TRAPPC9: variants seen among roughly 807,000 people sequenced by gnomAD.
TRAPPC9 encodes the protein IKK2 binding protein.
Under a neutral mutation model 124.0 loss-of-function variants are expected in TRAPPC9, and 83 were observed. The ratio of observed to expected loss-of-function variants is 0.67; its 90% confidence interval spans 0.56 to 0.80. The LOEUF is 0.80. Among genes scored for constraint, TRAPPC9 ranks in the 30% least tolerant of loss-of-function variants. The pLI is 0.00. For synonymous variants in TRAPPC9, 638 were observed against 617.5 expected, an observed-to-expected ratio of 1.03 and a Z score of -0.49; for missense variants, 1,302 against 1,508.3, an observed-to-expected ratio of 0.86 and a Z score of 2.27.
At chr8:140,073,584 T>C (rs1046724772) in intron 17 of TRAPPC9, among the ~76,000 whole-genome samples, 13 of 152,306 alleles carry the variant, frequency 8.5e-5, no homozygotes, top group African/African-American at 2.9e-4. Context: ...TCTGGGGAGA[T>C]AGAAATGTTC....
At chr8:139,885,991 C>T (rs555581591) in intron 20 of TRAPPC9, 22 bp from the exon 21 acceptor site, 14 of 1,554,598 alleles carry the variant, frequency 9.0e-6, no homozygotes, top group African/African-American at 1.4e-5. Context: ...TCAAGGAAAA[C>T]GCAACTCCTG....
chr8:140,104,709 C>T lies in TRAPPC9; in HGVS notation c.2557-80630G>A, dbSNP rs1170696376. ...CTCCTGGGGGTGCCATTCCCCCAGC[C>T]CAGGCACCAGGCCCGGACCAGCTGT... On this transcript the variant is annotated intron_variant, in intron 17 of 22. Coordinates refer to ENST00000438773, the MANE Select transcript of TRAPPC9 (RefSeq NM_001160372.4). The surrounding 1 kb of genome is among the most constrained non-coding windows in gnomAD (Gnocchi z 4.0). 6.6e-6 allele frequency among the ~76,000 whole-genome samples: 1 copy of T among 152,144 alleles called. No homozygotes were observed. Among genetic ancestry groups the T allele is most frequent in the African/African-American group, 2.4e-5 (1 of 41,438 alleles).
chr8:140,453,748 C>T (rs1005884898), intron 1 of TRAPPC9, among the ~76,000 whole-genome samples: 1 of 152,288 alleles, frequency 6.6e-6, no homozygotes, highest in Non-Finnish European at 1.5e-5. Context: ...TTCCCCACAA[C>T]GATTCCCTAA....
At chr8:139,814,549 T>C (rs1824698210) in intron 21 of TRAPPC9, among the ~76,000 whole-genome samples, 1 of 152,094 alleles carries the variant, frequency 6.6e-6, no homozygotes, top group East Asian at 1.9e-4. Context: ...TTTACTTCCC[T>C]AAATTCAGAT....
chr8:139,813,860 C>T (rs894453603), intron 21 of TRAPPC9, among the ~76,000 whole-genome samples: 6 of 151,910 alleles, frequency 3.9e-5, no homozygotes, highest in African/African-American at 1.5e-4. Flanking sequence ...GTGACGGCAC[C>T]GGGGGTGAGG....
intron 13 of TRAPPC9, among the ~76,000 whole-genome samples, chr8:140,286,265 T>C (rs2065481191): frequency 6.6e-6 from 1 of 151,738 alleles, no homozygotes. Context: ...AGAGAGGAGG[T>C]TGCGGAGGCC....
intron 16 of TRAPPC9, among the ~76,000 whole-genome samples, chr8:140,235,217 C>T (rs1176277096): frequency 6.6e-6 from 1 of 152,246 alleles, no homozygotes; most frequent in African/African-American, 2.4e-5. Context: ...AGGTGATCCA[C>T]CTGCCTTGGC....
chr8:140,178,344 C>G (rs2062117788), intron 17 of TRAPPC9, among the ~76,000 whole-genome samples: 1 of 152,106 alleles, frequency 6.6e-6, no homozygotes, highest in Admixed American at 6.6e-5. Flanking sequence ...CATTATACAT[C>G]TATTGCTATG....
rs59675753 is a variant in TRAPPC9 at position 139,947,924 on chromosome 8, CGAGAGA to C, written c.2811-37630_2811-37625del. 6.1e-4 allele frequency among the ~76,000 whole-genome samples: 51 copies of C among 83,488 alleles called. 3 individuals carry two copies. The highest frequency in any genetic ancestry group is 1.8e-3 in the African/African-American group (35 of 19,678). 54.8% of individuals were successfully genotyped at this position (83,488 alleles called of 152,430 possible). ...TATATATATAGAGAGAGAGAGAGAGCGAGAGAGAGAGAGAGAGAGAGTATAAGGGAG... is the reference window on the plus strand; with the variant it reads ...TATATATATAGAGAGAGAGAGAGAGCGAGAGAGAGAGAGAGTATAAGGGAG... On this transcript the variant is annotated intron_variant, in intron 19 of 22. Coordinates refer to ENST00000438773, the MANE Select transcript of TRAPPC9 (RefSeq NM_001160372.4).
intron 17 of TRAPPC9, among the ~76,000 whole-genome samples, chr8:140,128,791 T>G (rs975476355): frequency 6.6e-6 from 1 of 152,072 alleles, no homozygotes; most frequent in Non-Finnish European, 1.5e-5. Flanking sequence ...TCTGCCTCAG[T>G]TACACCCTCC....
intron 21 of TRAPPC9, among the ~76,000 whole-genome samples, chr8:139,797,887 CT>C (rs1413716612): frequency 1.5e-4 from 23 of 152,292 alleles, no homozygotes. Flanking sequence ...ACCACATTGT[CT>C]TGATTATTGC....
chr8:139,947,907 T>TAGAGAGAGAGAGAC (rs1834349720), intron 19 of TRAPPC9, among the ~76,000 whole-genome samples: 1 of 60,364 alleles, frequency 1.7e-5, no homozygotes, highest in African/African-American at 5.8e-5. Context: ...TATATATATA[T>TAGAGAGAGAGAGAC]AGAGAGAGAG....
chr8:140,193,722 G>A (rs1486827510), intron 17 of TRAPPC9, among the ~76,000 whole-genome samples: 1 of 151,628 alleles, frequency 6.6e-6, no homozygotes, highest in Non-Finnish European at 1.5e-5. Context: ...GGCCCGCTGT[G>A]CTAATGGGAA....
intron 17 of TRAPPC9, among the ~76,000 whole-genome samples, chr8:140,068,929 A>G (rs1343180037): frequency 6.6e-6 from 1 of 152,244 alleles, no homozygotes. Context: ...TTGCATCCAC[A>G]ATATATAGGG....
intron 18 of TRAPPC9, among the ~76,000 whole-genome samples, chr8:140,018,430 T>C (rs903838042): frequency 1.0e-4 from 15 of 150,608 alleles, no homozygotes; most frequent in Non-Finnish European, 1.6e-4. Flanking sequence ...TTCACGCCAT[T>C]CTCCTGCCTC....
chr8:140,268,215 T>C (rs1333492114), intron 15 of TRAPPC9, among the ~76,000 whole-genome samples: 1 of 152,126 alleles, frequency 6.6e-6, no homozygotes, highest in Non-Finnish European at 1.5e-5. Context: ...AATCCTATAC[T>C]TTCTCCTATA....
chr8:139,862,437 T>G (rs1417210355), intron 21 of TRAPPC9, among the ~76,000 whole-genome samples: 1 of 152,222 alleles, frequency 6.6e-6, no homozygotes, highest in East Asian at 1.9e-4. Flanking sequence ...GCCTTGGGCC[T>G]TGGGGAGAGG....
intron 12 of TRAPPC9, among the ~76,000 whole-genome samples, chr8:140,289,007 G>A (rs946011056): frequency 2.6e-5 from 4 of 152,206 alleles, no homozygotes; most frequent in Admixed American, 6.5e-5. Context: ...TCTCACGCGG[G>A]AAGAAAGGAC....
intron 17 of TRAPPC9, among the ~76,000 whole-genome samples, chr8:140,117,663 G>A (rs1163656099): frequency 6.6e-6 from 1 of 152,138 alleles, no homozygotes; most frequent in Non-Finnish European, 1.5e-5. Context: ...GAGTTTTGGA[G>A]AGAACAAACA....
Sources: allele counts gnomAD v4.1 joint callset (sites outside exome capture counted in the v4.1 genomes callset), GRCh38; gene constraint gnomAD v4.1.1; non-coding constraint Gnocchi (gnomAD v3.1); transcripts MANE v1.5; gene names NCBI Gene and HGNC (gene_info 2026-07-23, HGNC 2026-07-21).